The following THRB variants were observed in gnomAD, a reference collection of about 807,000 sequenced individuals.
THRB encodes nuclear receptor subfamily 1 group A member 2.
In THRB, 12 loss-of-function variants were observed where a neutral mutation model predicts 47.8. The ratio of observed to expected loss-of-function variants is 0.25; its 90% CI spans 0.16 to 0.41. The LOEUF (loss-of-function observed/expected upper bound fraction) is 0.41, where lower values mean the gene tolerates loss of function less well. THRB is among the 10% of genes least tolerant of loss of function. The pLI is 1.00. For synonymous variants in THRB, 218 were observed against 212.2 expected, an observed-to-expected ratio of 1.03 and a Z score of -0.24; for missense variants, 348 against 589.2, an observed-to-expected ratio of 0.59 and a Z score of 4.24.
intron 1 of THRB, among the ~76,000 whole-genome samples, chr3:24,369,058 G>C (rs145664212): frequency 6.6e-6 from 1 of 151,936 alleles, no homozygotes; most frequent in African/African-American, 2.4e-5. Context: ...TTTGAGATGA[G>C]GTCTCACTAT....
At chr3:24,223,066 C>T (rs1576054744) in intron 4 of THRB, among the ~76,000 whole-genome samples, 1 of 152,168 alleles carries the variant, frequency 6.6e-6, no homozygotes, top group Non-Finnish European at 1.5e-5. Flanking sequence ...CATTCTGCAT[C>T]GTTGCTCTCC....
chr3:24,409,353 TTA>T (rs2068088728), intron 1 of THRB, among the ~76,000 whole-genome samples: 1 of 151,860 alleles, frequency 6.6e-6, no homozygotes, highest in Admixed American at 6.6e-5. Context: ...ACAAATAAAA[TTA>T]TGTTATTATT....
intron 3 of THRB, among the ~76,000 whole-genome samples, chr3:24,249,002 T>C (rs1425696173): frequency 6.6e-6 from 1 of 152,222 alleles, no homozygotes; most frequent in Non-Finnish European, 1.5e-5. Flanking sequence ...TAGTGTGATT[T>C]TGTTTCCTCT....
At chr3:24,381,113 C>CAAAAAAA (rs35253085) in intron 1 of THRB, among the ~76,000 whole-genome samples, 1 of 87,688 alleles carries the variant, frequency 1.1e-5, no homozygotes, top group African/African-American at 4.0e-5. Flanking sequence ...GACTCTGCCT[C>CAAAAAAA]AAAAAAAAAA....
intron 3 of THRB, among the ~76,000 whole-genome samples, chr3:24,233,410 C>G (rs2048440868): frequency 6.7e-6 from 1 of 150,342 alleles, no homozygotes. Flanking sequence ...ACTGCTTGAG[C>G]CCAGGAGTTT....
chr3:24,376,375 A>T (rs920830490), intron 1 of THRB, among the ~76,000 whole-genome samples: 6 of 152,174 alleles, frequency 3.9e-5, no homozygotes, highest in Non-Finnish European at 2.9e-5. Flanking sequence ...GAAAACTGAG[A>T]CCTGATTTTT....
rs1181248369 is a variant in THRB at position 24,118,115 on chromosome 3, G to A, written c.*4769C>T. The A allele has an allele frequency of 6.6e-6, 1 of 152,528 alleles. No individual in the cohort carries two copies. The highest frequency in any genetic ancestry group is 1.9e-4 in the East Asian group (1 of 5,196). 9.4% of individuals were successfully genotyped at this position (152,528 alleles called of 1,614,324 possible). A position where few individuals can be genotyped will look rare whatever the true frequency, so the allele number is the denominator to read the frequency against. On this transcript the variant is annotated 3_prime_UTR_variant, in exon 11 of 11. Coordinates refer to ENST00000646209, the MANE Select transcript of THRB (RefSeq NM_001354712.2). ...TTATGAAATAAATGTCCTTACATCCGTGGTTCCGTCTTTTGGCAGCAGCTG... is the reference window on the plus strand; with the variant it reads ...TTATGAAATAAATGTCCTTACATCCATGGTTCCGTCTTTTGGCAGCAGCTG...
rs1404515416 is a variant in THRB at position 24,438,683 on chromosome 3, G to A, written c.-261+55969C>T. On this transcript the variant is annotated intron_variant, in intron 1 of 10. Transcript: ENST00000646209. ...CAGAACAGAAAACTGAAGCCTGCTG[G>A]GGGATGCTCCTGGCAAAATTACTTC... Among the ~76,000 whole-genome samples the A allele has an allele frequency of 3.3e-5, 5 of 152,136 alleles. No individual in the cohort carries two copies. The East Asian group carries it at 9.6e-4, about 29-fold the overall frequency.
intron 4 of THRB, among the ~76,000 whole-genome samples, chr3:24,191,012 C>A (rs1208985144): frequency 6.6e-6 from 1 of 151,954 alleles, no homozygotes; most frequent in African/African-American, 2.4e-5. Flanking sequence ...AAATTAAGAG[C>A]CCTAATGATA....
rs192432448 is a variant in THRB, at chr3:24,178,108, T to C, written c.283+11966A>G. Among the ~76,000 whole-genome samples, 803 of 152,282 alleles carry C rather than the reference T, an allele frequency of 5.3e-3. 6 individuals are homozygous for C. Among genetic ancestry groups the C allele is most frequent in the South Asian group, 0.012 (57 of 4,832 alleles). The stretch of plus-strand genomic sequence containing the variant: ...TGACATTCACCTTTAGAGCATTGAA[T>C]AGCTGCTTATTAGAGGACTTTAGAA... On this transcript the variant is annotated intron_variant, in intron 5 of 10. Transcript: ENST00000646209.
intron 3 of THRB, among the ~76,000 whole-genome samples, chr3:24,289,018 C>G (rs1372661111): frequency 6.6e-6 from 1 of 152,192 alleles, no homozygotes; most frequent in African/African-American, 2.4e-5. Context: ...CTTCTGATTT[C>G]TGACTGTTGT....
chr3:24,272,163 G>C (rs906188746), intron 3 of THRB, among the ~76,000 whole-genome samples: 1 of 152,078 alleles, frequency 6.6e-6, no homozygotes, highest in Admixed American at 6.6e-5. Context: ...GCAACACAGC[G>C]AGATCTCTTC....
chr3:24,345,181 C>A (rs1471255007), intron 1 of THRB, among the ~76,000 whole-genome samples: 1 of 152,146 alleles, frequency 6.6e-6, no homozygotes, highest in Admixed American at 6.6e-5. Context: ...CTGTCATTTA[C>A]TGTCCTTTTT....
intron 2 of THRB, among the ~76,000 whole-genome samples, chr3:24,334,951 G>T (rs550597950): frequency 1.3e-5 from 2 of 152,146 alleles, no homozygotes; most frequent in Non-Finnish European, 2.9e-5. Flanking sequence ...CATGTGTAAC[G>T]TTTGTCACGT....
chr3:24,331,957 A>C (rs2061956704), intron 2 of THRB, among the ~76,000 whole-genome samples: 1 of 152,128 alleles, frequency 6.6e-6, no homozygotes, highest in Non-Finnish European at 1.5e-5. Context: ...TCCGTACTTG[A>C]AGGGCCTCCA....
intron 5 of THRB, among the ~76,000 whole-genome samples, chr3:24,179,031 A>C (rs1325279030): frequency 6.6e-6 from 1 of 152,208 alleles, no homozygotes; most frequent in Admixed American, 6.5e-5. Context: ...GAGATAAAAA[A>C]TAAATAAATA....
rs114846453 is a variant in THRB, at chr3:24,486,052, C to T, written c.-261+8600G>A. Among the ~76,000 whole-genome samples, 1,508 of 152,256 alleles carry T rather than the reference C, an allele frequency of 9.9e-3. 26 individuals are homozygous for T. The highest frequency in any genetic ancestry group is 0.034 in the African/African-American group (1,429 of 41,558). On this transcript the variant is annotated intron_variant, in intron 1 of 10. Transcript: ENST00000646209. The stretch of plus-strand genomic sequence containing the variant: ...GTTCCAAACGTCTACACCAGCTGTT[C>T]TCAATAGGAGCAGTTTTGCCTCCCA...
intron 2 of THRB, among the ~76,000 whole-genome samples, chr3:24,305,748 C>T (rs2057291396): frequency 6.6e-6 from 1 of 152,170 alleles, no homozygotes; most frequent in Non-Finnish European, 1.5e-5. Context: ...GTATCTACCA[C>T]AAAAAGTATT....
chr3:24,372,955 C>T (rs2065023874), intron 1 of THRB, among the ~76,000 whole-genome samples: 1 of 151,988 alleles, frequency 6.6e-6, no homozygotes, highest in Non-Finnish European at 1.5e-5. Context: ...CTGTTTTTGT[C>T]GTGGTTTTTA....
Sources: gnomAD v4.1 joint callset for allele counts (sites outside exome capture counted in the v4.1 genomes callset) on GRCh38, gnomAD v4.1.1 for gene constraint, MANE v1.5 for transcripts, NCBI Gene and HGNC (gene_info 2026-07-23, HGNC 2026-07-21) for gene names.